The following IL1RAPL1 variants were observed in gnomAD, a reference collection of about 807,000 sequenced individuals.
IL1RAPL1 encodes the protein interleukin-1 receptor accessory protein-like 1.
IL1RAPL1 carries 3 observed loss-of-function variants against 48.4 expected under a neutral mutation model. That is an observed-to-expected ratio of 0.06 (90% CI 0.03 to 0.16). The LOEUF (loss-of-function observed/expected upper bound fraction) is 0.16. Among genes scored for constraint, IL1RAPL1 ranks in the 10% least tolerant of loss-of-function variants. The pLI is 1.00. For missense variants in IL1RAPL1, 349 were observed against 530.6 expected, an observed-to-expected ratio of 0.66 and a Z score of 3.36; for synonymous variants, 185 against 187.7, an observed-to-expected ratio of 0.99 and a Z score of 0.12.
At chrX:29,922,201 G>A (rs950291143) in intron 8 of IL1RAPL1, among the ~76,000 whole-genome samples, 4 of 110,922 alleles carry the variant, frequency 3.6e-5, no homozygotes, top group African/African-American at 1.3e-4. Flanking sequence ...AAAACCTCCA[G>A]GCTAAGTTGC....
At chrX:29,261,258 A>T (rs755933331) in intron 2 of IL1RAPL1, among the ~76,000 whole-genome samples, 3 of 110,988 alleles carry the variant, frequency 2.7e-5, no homozygotes, top group African/African-American at 9.8e-5. Flanking sequence ...GATTTTTTTT[A>T]AAACTACAAC....
At chrX:29,879,054 C>T (rs896716647) in intron 6 of IL1RAPL1, among the ~76,000 whole-genome samples, 2 of 111,302 alleles carry the variant, frequency 1.8e-5, no homozygotes, top group African/African-American at 6.5e-5. Flanking sequence ...TACAGACATA[C>T]AATGGAATAG....
At chrX:28,909,016 T>C (rs780665008) in intron 2 of IL1RAPL1, among the ~76,000 whole-genome samples, 4 of 111,672 alleles carry the variant, frequency 3.6e-5, no homozygotes, top group Non-Finnish European at 7.6e-5. Flanking sequence ...CAGCTGTTTT[T>C]TTAAAATAAT....
intron 1 of IL1RAPL1, among the ~76,000 whole-genome samples, chrX:28,692,616 A>G (rs2146925995): frequency 8.9e-6 from 1 of 112,065 alleles, no homozygotes; most frequent in East Asian, 2.8e-4. Context: ...TTAAGTAATT[A>G]TAGATTTTAA....
chrX:28,724,585 G>A (rs1400098853), intron 1 of IL1RAPL1, among the ~76,000 whole-genome samples: 1 of 111,239 alleles, frequency 9.0e-6, no homozygotes, highest in African/African-American at 3.3e-5. Context: ...GGAGCATTTA[G>A]CCCATTTACA....
rs370763017 is a variant in IL1RAPL1, at chrX:29,553,088, A to G, written c.704-115342A>G. On this transcript the variant is annotated intron_variant, in intron 5 of 10. Coordinates refer to ENST00000378993, the MANE Select transcript of IL1RAPL1 (RefSeq NM_014271.4). ...AAATTCTCTAGTAATTCCAACATCA[A>G]TGTCATACCTGAGTCTGATTCTGAT... Among the ~76,000 whole-genome samples the G allele has an allele frequency of 6.3e-5, 7 of 111,064 alleles. No individual in the cohort carries two copies. In the East Asian group the frequency reaches 1.1e-3, roughly 18 times the overall value.
intron 6 of IL1RAPL1, among the ~76,000 whole-genome samples, chrX:29,851,293 T>C (rs1440635410): frequency 8.9e-6 from 1 of 111,781 alleles, no homozygotes; most frequent in Admixed American, 9.5e-5. Context: ...GATGAAAATA[T>C]ACAATAAGCT....
intron 6 of IL1RAPL1, among the ~76,000 whole-genome samples, chrX:29,803,467 ATATGTATACATATATGTATACATC>A (rs1302995189): frequency 5.1e-5 from 5 of 98,129 alleles, no homozygotes; most frequent in Admixed American, 2.3e-4. Flanking sequence ...ATATATGTAT[ATATGTATACATATATGTATACATC>A]TATGTATACA....
At chrX:29,339,058 A>G (rs774643358) in intron 3 of IL1RAPL1, among the ~76,000 whole-genome samples, 7 of 96,184 alleles carry the variant, frequency 7.3e-5, no homozygotes, top group African/African-American at 2.4e-4. Context: ...CTGTTCTCCA[A>G]GCTTATGCTG....
At chrX:28,620,609 C>T (rs1934274249) in intron 1 of IL1RAPL1, among the ~76,000 whole-genome samples, 1 of 111,569 alleles carries the variant, frequency 9.0e-6, no homozygotes, top group Admixed American at 9.6e-5. Context: ...TTTCTTTCAC[C>T]ACGGATTTTG....
chrX:29,607,544 G>A (rs5972471), intron 5 of IL1RAPL1, among the ~76,000 whole-genome samples: 9,729 of 111,388 alleles, frequency 0.087, 1,035 homozygotes, highest in African/African-American at 0.3. Flanking sequence ...AGCCTCCTGG[G>A]GGCACTTCTC....
chrX:29,264,315 C>T lies in IL1RAPL1; in HGVS notation c.83-18623C>T, dbSNP rs186644515. Among the ~76,000 whole-genome samples, 10 of 111,526 alleles carry T rather than the reference C, an allele frequency of 9.0e-5. No homozygotes were observed. In the East Asian group the frequency reaches 2.8e-3, roughly 31 times the overall value. On this transcript the variant is annotated intron_variant, in intron 2 of 10. Coordinates refer to ENST00000378993, the MANE Select transcript of IL1RAPL1 (RefSeq NM_014271.4). The stretch of plus-strand genomic sequence containing the variant: ...TGTGAATTTTTGGGAGGGCATGCTT[C>T]CCTGCAGTCTCTGGAGTGTGTGTTG...
chrX:29,262,725 C>T (rs1236861852), intron 2 of IL1RAPL1, among the ~76,000 whole-genome samples: 1 of 111,220 alleles, frequency 9.0e-6, no homozygotes, highest in Non-Finnish European at 1.9e-5. Context: ...TTTTTACTTC[C>T]ATACAATTGA....
At chrX:28,932,059 T>A (rs1038359232) in intron 2 of IL1RAPL1, among the ~76,000 whole-genome samples, 10 of 108,599 alleles carry the variant, frequency 9.2e-5, no homozygotes, top group Non-Finnish European at 1.3e-4. Context: ...AAATAAAAAA[T>A]AAATAAATAA....
At chrX:28,770,077 C>T (rs1041055844) in intron 1 of IL1RAPL1, among the ~76,000 whole-genome samples, 10 of 111,759 alleles carry the variant, frequency 8.9e-5, no homozygotes, top group African/African-American at 3.2e-4. Flanking sequence ...TCTGGCAATC[C>T]ATGTAGGAGG....
At chrX:29,447,109 T>C (rs1378138780) in intron 5 of IL1RAPL1, among the ~76,000 whole-genome samples, 3 of 111,373 alleles carry the variant, frequency 2.7e-5, no homozygotes, top group Non-Finnish European at 5.7e-5. Flanking sequence ...CATCTATCCT[T>C]GTGCATATTT....
chrX:29,239,118 A>G (rs1931360980), intron 2 of IL1RAPL1, among the ~76,000 whole-genome samples: 1 of 111,842 alleles, frequency 8.9e-6, no homozygotes, highest in Non-Finnish European at 1.9e-5. Flanking sequence ...TTTAGATACC[A>G]TATATGCCTT....
At chrX:28,959,887 A>G (rs1294569733) in intron 2 of IL1RAPL1, among the ~76,000 whole-genome samples, 3 of 111,726 alleles carry the variant, frequency 2.7e-5, no homozygotes, top group Non-Finnish European at 5.7e-5. Context: ...TTTTTACTTT[A>G]ATTTCACTCT....
chrX:29,057,394 C>T (rs747644811), intron 2 of IL1RAPL1, among the ~76,000 whole-genome samples: 31 of 107,295 alleles, frequency 2.9e-4, no homozygotes, highest in African/African-American at 9.6e-4. Flanking sequence ...TGGTTTGAAG[C>T]AGATCATGTT....
Sources: allele counts gnomAD v4.1 joint callset (sites outside exome capture counted in the v4.1 genomes callset), GRCh38; gene constraint gnomAD v4.1.1; transcripts MANE v1.5; gene names NCBI Gene and HGNC (gene_info 2026-07-23, HGNC 2026-07-21).